Variants in APPL2 observed in about 807,000 individuals in gnomAD.
The protein encoded by APPL2 is adaptor protein, phosphotyrosine interacting with PH domain and leucine zipper 2.
A neutral mutation model predicts 92.7 loss-of-function variants in APPL2; 84 were observed. That is an observed-to-expected ratio of 0.91 (90% CI 0.76 to 1.09). The LOEUF (loss-of-function observed/expected upper bound fraction) is 1.09. Among genes scored for constraint, APPL2 ranks in the 50% least tolerant of loss-of-function variants. The pLI, the probability that APPL2 is intolerant of heterozygous loss-of-function variation, is 0.00. For missense variants in APPL2, 736 were observed against 824.5 expected (o/e 0.89, Z 1.31); for synonymous variants, 291 against 291.0 (o/e 1.00, Z 0.00).
chr12:105,218,891 C>G (rs1186855431), intron 2 of APPL2, among the ~76,000 whole-genome samples: 1 of 152,252 alleles, frequency 6.6e-6, no homozygotes, highest in Admixed American at 6.5e-5. Context: ...TTTTCACCAG[C>G]CCGTACTGCT....
At chr12:105,217,631 C>T (rs1222914968) in intron 3 of APPL2, 35 bp downstream of exon 3, 27 of 1,606,348 alleles carry the variant, frequency 1.7e-5, no homozygotes, top group Non-Finnish European at 2.3e-5. Flanking sequence ...GTCCTGAACA[C>T]AGCAGCATCA....
At chr12:105,177,691 G>C (rs117332934) in intron 17 of APPL2, among the ~76,000 whole-genome samples, 2 of 152,306 alleles carry the variant, frequency 1.3e-5, no homozygotes, top group Non-Finnish European at 2.9e-5. Context: ...AGGTAGCGGT[G>C]ACAAAATAGT....
intron 17 of APPL2, among the ~76,000 whole-genome samples, chr12:105,178,536 A>C (rs972533337): frequency 6.6e-6 from 1 of 152,178 alleles, no homozygotes; most frequent in African/African-American, 2.4e-5. Context: ...TCTCAGTAAA[A>C]CTGTTACACC....
In APPL2 at chr12:105,195,571, A is replaced by G. The variant is rs761054558; in HGVS notation, c.1095+14T>C. On this transcript the variant is annotated intron_variant, in intron 12 of 20. Transcript: ENST00000258530. ...ACCACGTTAGGAAAGAAATATGACA[A>G]ACAAAATTTTTACCTCTTCATTTTC... 52 of 1,614,128 alleles carry G rather than the reference A, an allele frequency of 3.2e-5. No individual in the cohort carries two copies. Among genetic ancestry groups the G allele is most frequent in the Non-Finnish European group, 4.2e-5 (50 of 1,180,046 alleles).
rs1382979797 is a variant in APPL2, at chr12:105,215,852, A to G, written c.285+1217T>C. Among the ~76,000 whole-genome samples the G allele has an allele frequency of 5.9e-5, 9 of 152,228 alleles. No homozygotes were observed. The East Asian group carries it at 1.7e-3, about 30-fold the overall frequency. Reference sequence around the variant, plus strand: ...TCAGAAGACCGAGACCATCCTGGCCAAGATTTTTAGTAGGGTGAAACCCTA... The same window carrying G: ...TCAGAAGACCGAGACCATCCTGGCCGAGATTTTTAGTAGGGTGAAACCCTA... On this transcript the variant is annotated intron_variant, in intron 4 of 20. Transcript: ENST00000258530.
chr12:105,223,441 C>T (rs1405841017), intron 2 of APPL2, among the ~76,000 whole-genome samples: 2 of 152,118 alleles, frequency 1.3e-5, no homozygotes, highest in Non-Finnish European at 1.5e-5. Context: ...CAGGGAACCA[C>T]CAAGAACAAG....
intron 2 of APPL2, among the ~76,000 whole-genome samples, chr12:105,227,730 C>T (rs990509864): frequency 2.0e-5 from 3 of 152,168 alleles, no homozygotes; most frequent in African/African-American, 7.2e-5. Context: ...AGCTGATTTG[C>T]TCTGCCATGA....
In APPL2 at chr12:105,195,343, C is replaced by G; in HGVS notation, c.1159G>C (p.Ala387Pro). 6.2e-7 allele frequency: 1 copy of G among 1,614,122 alleles called. No homozygotes were observed. The highest frequency in any genetic ancestry group is 8.5e-7 in the Non-Finnish European group (1 of 1,180,010). The change falls in exon 14 of 21, where the codon GCG becomes CCG. Residue 387 changes from alanine to proline, a missense_variant. By Grantham distance (27) the Ala-to-Pro change is conservative (BLOSUM62 -1). Coordinates refer to ENST00000258530, the MANE Select transcript of APPL2 (RefSeq NM_018171.5). The part of the protein sequence containing the change: ...IYLTDNPEAV[A>P]IKLNQTALQA... Reference sequence around the variant, plus strand: ...AGAGCGGTCTGATTCAACTTGATCGCGACTGCCTAAAAATCCACAGGAAGA... The same window carrying G: ...AGAGCGGTCTGATTCAACTTGATCGGGACTGCCTAAAAATCCACAGGAAGA...
At chr12:105,222,412 G>A (rs183839308) in intron 2 of APPL2, among the ~76,000 whole-genome samples, 122 of 152,276 alleles carry the variant, frequency 8.0e-4, no homozygotes, top group African/African-American at 2.8e-3. Context: ...AGTGCAGAGC[G>A]GGGCATGGAG....
At chr12:105,205,180 G>C (rs1888594036) in intron 8 of APPL2, among the ~76,000 whole-genome samples, 3 of 152,210 alleles carry the variant, frequency 2.0e-5, no homozygotes, top group Admixed American at 1.3e-4. Context: ...GACAGCTAAT[G>C]CTTCTGAATC....
At chr12:105,191,633 C>CG (rs1887206403) in intron 14 of APPL2, among the ~76,000 whole-genome samples, 1 of 152,138 alleles carries the variant, frequency 6.6e-6, no homozygotes, top group African/African-American at 2.4e-5. Flanking sequence ...CCACCAAAGA[C>CG]TCTGAACATA....
At chr12:105,223,103 G>A (rs1240217856) in intron 2 of APPL2, among the ~76,000 whole-genome samples, 1 of 152,202 alleles carries the variant, frequency 6.6e-6, no homozygotes. Flanking sequence ...TTTCCTTGTG[G>A]TTACAGAGAG....
intron 14 of APPL2, among the ~76,000 whole-genome samples, chr12:105,194,550 G>A (rs1887476441): frequency 1.3e-5 from 2 of 152,100 alleles, no homozygotes; most frequent in African/African-American, 4.8e-5. Flanking sequence ...AATTAGCCAG[G>A]TGTGGTGGTG....
intron 5 of APPL2, among the ~76,000 whole-genome samples, chr12:105,210,698 G>A (rs1889139496): frequency 6.6e-6 from 1 of 152,150 alleles, no homozygotes; most frequent in African/African-American, 2.4e-5. Context: ...CTCACTAACT[G>A]GTAGTTCCAT....
rs11612842 is a variant in APPL2, at chr12:105,201,725, C to T, written c.704+1978G>A. ...AAAAAAAAGCATGTATATATATACA[C>T]ACACACATATATATAAAATTATATA... is the stretch of plus-strand genomic sequence containing the variant. On this transcript the variant is annotated intron_variant, in intron 9 of 20. Coordinates refer to ENST00000258530, the MANE Select transcript of APPL2 (RefSeq NM_018171.5). 5.9e-3 allele frequency among the ~76,000 whole-genome samples: 895 copies of T among 152,212 alleles called. 11 individuals carry two copies. The highest frequency in any genetic ancestry group is 6.9e-3 in the Non-Finnish European group (471 of 68,016).
chr12:105,202,183 C>A lies in APPL2; in HGVS notation c.704+1520G>T, dbSNP rs539356667. The stretch of plus-strand genomic sequence containing the variant: ...CCATCAGCTGCCTGTCACCCCATAA[C>A]TAAATACAGCTTGTCAGACAGAGGG... On this transcript the variant is annotated intron_variant, in intron 9 of 20. Coordinates refer to ENST00000258530, the MANE Select transcript of APPL2 (RefSeq NM_018171.5). Among the ~76,000 whole-genome samples, 114 of 152,322 alleles carry A rather than the reference C, an allele frequency of 7.5e-4. 1 individual carries two copies. The highest frequency in any genetic ancestry group is 6.2e-3 in the South Asian group (30 of 4,826).
In APPL2 at chr12:105,179,573, A is replaced by G. The variant is rs549188431; in HGVS notation, c.1635-2311T>C. ...AGGAATCGCCACACTGTCTTCCACA[A>G]TAGTTGAACTAATTTACATTCCCAG... On this transcript the variant is annotated intron_variant, in intron 17 of 20. Coordinates refer to ENST00000258530, the MANE Select transcript of APPL2 (RefSeq NM_018171.5). 5.3e-5 allele frequency among the ~76,000 whole-genome samples: 8 copies of G among 152,328 alleles called. No individual in the cohort carries two copies. In the South Asian group the frequency reaches 6.2e-4, roughly 12 times the overall value.
chr12:105,234,137 T>A (rs1242964070), intron 1 of APPL2, among the ~76,000 whole-genome samples: 3 of 152,150 alleles, frequency 2.0e-5, no homozygotes, highest in African/African-American at 7.2e-5. Flanking sequence ...TCAAAAGCAA[T>A]GACAAATAAA....
intron 14 of APPL2, 60 bp from the exon 15 acceptor site, chr12:105,190,215 G>T: frequency 6.5e-7 from 1 of 1,536,386 alleles, no homozygotes; most frequent in Non-Finnish European, 8.8e-7. Context: ...GTGAATACTT[G>T]TTGAAGGCTG....
Sources: gnomAD v4.1 joint callset for allele counts (sites outside exome capture counted in the v4.1 genomes callset) on GRCh38, gnomAD v4.1.1 for gene constraint, MANE v1.5 for transcripts, NCBI Gene and HGNC (gene_info 2026-07-23, HGNC 2026-07-21) for gene names.